The following ADGRD1 variants were observed in gnomAD, a reference collection of about 807,000 sequenced individuals.
ADGRD1 encodes the protein G-protein coupled receptor 133.
A neutral mutation model predicts 113.4 loss-of-function variants in ADGRD1; 77 were observed. The ratio of observed to expected loss-of-function variants is 0.68; its 90% CI spans 0.57 to 0.82. ADGRD1 has a LOEUF of 0.82. Ranked by LOEUF, ADGRD1 falls within the 40% of genes least tolerant of loss-of-function variation. The pLI, the probability that ADGRD1 is intolerant of heterozygous loss-of-function variation, is 0.00. For synonymous variants in ADGRD1, 474 were observed against 475.0 expected (o/e 1.00, Z 0.03); for missense variants, 1,036 against 1,139.1 (o/e 0.91, Z 1.30).
At chr12:131,019,807 C>T (rs1432842259) in intron 13 of ADGRD1, among the ~76,000 whole-genome samples, 1 of 151,300 alleles carries the variant, frequency 6.6e-6, no homozygotes, top group Admixed American at 6.6e-5. Context: ...CCATCCAGGG[C>T]AGGGGGTGCT....
Position 130,971,666 on chromosome 12 carries a change from C to T in ADGRD1, c.310+86C>T, listed in dbSNP as rs1871680248. The T allele has an allele frequency of 2.7e-5, 38 of 1,408,726 alleles. No individual in the cohort carries two copies. Among genetic ancestry groups the T allele is most frequent in the Non-Finnish European group, 3.6e-5 (37 of 1,038,416 alleles). The allele number at this position is 1,408,726 out of a possible 1,614,324, so 87.3% of individuals were successfully genotyped here. A position where few individuals can be genotyped will look rare whatever the true frequency, so the allele number is the denominator to read the frequency against. On this transcript the variant is annotated intron_variant, in intron 4 of 24. Transcript: ENST00000261654. The surrounding 1 kb of genome is among the most constrained non-coding windows in gnomAD (Gnocchi z 4.2). ...CCTCTGGTGACTGGAAGATGTGAAC[C>T]TGAGGTTCTCATCAATTGCAGAATG...
Position 131,041,647 on chromosome 12 carries a change from G to A in ADGRD1, c.1473+27307G>A, listed in dbSNP as rs1210441407. ...TTAATGAGGCTCTGCAGAGACCCAG[G>A]GGCTTGGCCATCCACTCAGGGACAC... On this transcript the variant is annotated intron_variant, in intron 13 of 24. Transcript: ENST00000261654. This position sits in a 1 kb window ranked among gnomAD's most constrained non-coding sequence, Gnocchi z 4.4. Among the ~76,000 whole-genome samples, 1 of 152,174 alleles carries A rather than the reference G, an allele frequency of 6.6e-6. No homozygotes were observed. Among genetic ancestry groups the A allele is most frequent in the East Asian group, 1.9e-4 (1 of 5,190 alleles).
intron 8 of ADGRD1, among the ~76,000 whole-genome samples, chr12:130,992,678 G>T (rs938230744): frequency 6.6e-6 from 1 of 152,222 alleles, no homozygotes; most frequent in Non-Finnish European, 1.5e-5. Flanking sequence ...CGGGCGTGTG[G>T]TTGGCAACTC....
chr12:130,982,205 G>A, intron 5 of ADGRD1, 142 bp downstream of exon 5: 1 of 737,844 alleles, frequency 1.4e-6, no homozygotes, highest in South Asian at 1.9e-5. Context: ...TCCTTTAAGG[G>A]TTGTTGGGGA....
At chr12:131,034,199 G>A (rs887368173) in intron 13 of ADGRD1, among the ~76,000 whole-genome samples, 3 of 152,142 alleles carry the variant, frequency 2.0e-5, no homozygotes, top group Non-Finnish European at 4.4e-5. Flanking sequence ...CCACCCTGCC[G>A]CACTCTGGGC....
In ADGRD1 at chr12:131,096,579, T is replaced by G. The variant is rs1178416563; in HGVS notation, c.1672-8252T>G. On this transcript the variant is annotated intron_variant, in intron 15 of 24. Transcript: ENST00000261654. This position sits in a 1 kb window ranked among gnomAD's most constrained non-coding sequence, Gnocchi z 5.2. ...AAATAACCAGCATCCTATGCACACATCCCGCCTCCATCTGTGAGGATGGGT... is the reference window on the plus strand; with the variant it reads ...AAATAACCAGCATCCTATGCACACAGCCCGCCTCCATCTGTGAGGATGGGT... Among the ~76,000 whole-genome samples, 1 of 152,064 alleles carries G rather than the reference T, an allele frequency of 6.6e-6. No individual in the cohort carries two copies. The highest frequency in any genetic ancestry group is 1.5e-5 in the Non-Finnish European group (1 of 68,010).
intron 13 of ADGRD1, chr12:131,026,129 C>G (rs1034726966): frequency 1.3e-5 from 2 of 152,328 alleles, no homozygotes; most frequent in Non-Finnish European, 2.9e-5. Flanking sequence ...CTGTGCTTCT[C>G]CCCTGCTGGG....
In ADGRD1 at chr12:131,084,464, G is replaced by C. The variant is rs879340155; in HGVS notation, c.1548-76G>C. The C allele has an allele frequency of 3.3e-6, 5 of 1,533,932 alleles. No homozygotes were observed. The highest frequency in any genetic ancestry group is 4.5e-6 in the Non-Finnish European group (5 of 1,112,084). ...TGAGTTCACGGGGCCATGTGTTATG[G>C]GGGGTGCTGCTCTCAGTCCCCTGCC... is the stretch of plus-strand genomic sequence containing the variant. On this transcript the variant is annotated intron_variant, in intron 14 of 24. Transcript: ENST00000261654. This position sits in a 1 kb window ranked among gnomAD's most constrained non-coding sequence, Gnocchi z 4.5.
intron 13 of ADGRD1, among the ~76,000 whole-genome samples, chr12:131,044,820 A>T: frequency 6.6e-6 from 1 of 152,222 alleles, no homozygotes; most frequent in East Asian, 1.9e-4. Context: ...CTTCCAGCAC[A>T]CAGAGCTACT....
intron 20 of ADGRD1, among the ~76,000 whole-genome samples, chr12:131,121,159 G>A (rs562187131): frequency 5.4e-4 from 82 of 152,180 alleles, no homozygotes; most frequent in Non-Finnish European, 1.0e-3. Context: ...CAGTCGAGGC[G>A]GCAGGTGCAG....
chr12:131,126,473 T>C (rs1448121163), intron 20 of ADGRD1, among the ~76,000 whole-genome samples: 2 of 152,220 alleles, frequency 1.3e-5, no homozygotes, highest in Non-Finnish European at 2.9e-5. Context: ...AGGCACCCAC[T>C]GTTGTGTAAA....
chr12:130,976,643 G>A (rs1430914142), intron 4 of ADGRD1: 2 of 152,172 alleles, frequency 1.3e-5, no homozygotes, highest in Non-Finnish European at 2.9e-5. Flanking sequence ...CTCCTGCCAG[G>A]TGGGTGGATC....
chr12:131,055,500 T>G (rs2137061939), intron 13 of ADGRD1, among the ~76,000 whole-genome samples: 1 of 152,332 alleles, frequency 6.6e-6, no homozygotes, highest in African/African-American at 2.4e-5. Flanking sequence ...ATAATATCTT[T>G]GATGTGTGTT....
At chr12:131,127,202 G>A (rs919351659) in intron 20 of ADGRD1, among the ~76,000 whole-genome samples, 1 of 152,218 alleles carries the variant, frequency 6.6e-6, no homozygotes, top group African/African-American at 2.4e-5. Flanking sequence ...CAGCTTAACT[G>A]TTATGAAACA....
chr12:131,079,604 T>G (rs2137183223), intron 14 of ADGRD1, among the ~76,000 whole-genome samples: 1 of 152,324 alleles, frequency 6.6e-6, no homozygotes, highest in Middle Eastern at 3.4e-3. Flanking sequence ...CACCTGAGCC[T>G]TCATTTTCAA....
In ADGRD1 at chr12:130,985,643, C is replaced by T. The variant is rs571487450; in HGVS notation, c.491-1452C>T. Among the ~76,000 whole-genome samples the T allele has an allele frequency of 1.6e-4, 25 of 152,058 alleles. 2 individuals carry two copies. The South Asian group carries it at 4.2e-3, about 25-fold the overall frequency. On this transcript the variant is annotated intron_variant, in intron 5 of 24. Transcript: ENST00000261654. ...TCGGCTCACTGCAACCTCCACCTCC[C>T]GGGTTCAAGCAATTCTTCCTGCCTC...
At chr12:131,080,108 A>G (rs1885949777) in intron 14 of ADGRD1, among the ~76,000 whole-genome samples, 2 of 152,160 alleles carry the variant, frequency 1.3e-5, no homozygotes, top group African/African-American at 4.8e-5. Context: ...TAAACATTTA[A>G]TGCTATATTT....
At chr12:131,038,716 G>A (rs11061300) in intron 13 of ADGRD1, among the ~76,000 whole-genome samples, 49,989 of 152,052 alleles carry the variant, frequency 0.33, 9,201 homozygotes, top group South Asian at 0.46. Flanking sequence ...CAGCCGGGGT[G>A]CAGGTGAGGG....
At chr12:131,082,669 C>T (rs942425103) in intron 14 of ADGRD1, among the ~76,000 whole-genome samples, 1 of 152,142 alleles carries the variant, frequency 6.6e-6, no homozygotes, top group East Asian at 1.9e-4. Flanking sequence ...TTTTTGCTGA[C>T]TCCCTCCAAG....
Sources: gnomAD v4.1 joint callset for allele counts (sites outside exome capture counted in the v4.1 genomes callset) on GRCh38, gnomAD v4.1.1 for gene constraint, Gnocchi (gnomAD v3.1) non-coding constraint, MANE v1.5 for transcripts, NCBI Gene and HGNC (gene_info 2026-07-23, HGNC 2026-07-21) for gene names.